Variants in FSTL5 observed in about 807,000 individuals in gnomAD.
FSTL5 encodes follistatin-related protein 5.
In FSTL5, 62 loss-of-function variants were observed where a neutral mutation model predicts 89.1. That is an observed-to-expected ratio of 0.70 (90% CI 0.57 to 0.86). FSTL5 has a LOEUF of 0.86. Among genes scored for constraint, FSTL5 ranks in the 40% least tolerant of loss-of-function variants. FSTL5 has a pLI of 0.00. For missense variants in FSTL5, 1,057 were observed against 1,001.6 expected, an observed-to-expected ratio of 1.06 and a Z score of -0.75; for synonymous variants, 383 against 346.2, an observed-to-expected ratio of 1.11 and a Z score of -1.18.
At chr4:161,443,344 T>C (rs1375790654) in intron 15 of FSTL5, among the ~76,000 whole-genome samples, 4 of 152,030 alleles carry the variant, frequency 2.6e-5, no homozygotes, top group Non-Finnish European at 4.4e-5. Flanking sequence ...TTCCTTAGCA[T>C]ACTAAATTTT....
chr4:161,432,526 A>T (rs545542018), intron 15 of FSTL5, among the ~76,000 whole-genome samples: 2 of 152,208 alleles, frequency 1.3e-5, no homozygotes, highest in Non-Finnish European at 2.9e-5. Context: ...CTAATGATGC[A>T]TCTTAAAGAA....
chr4:161,718,759 C>T (rs1428930580), intron 6 of FSTL5, among the ~76,000 whole-genome samples: 10 of 151,914 alleles, frequency 6.6e-5, no homozygotes, highest in Non-Finnish European at 1.3e-4. Flanking sequence ...AACTATGGAG[C>T]TTCACTAAAG....
chr4:161,707,456 C>T (rs980785349), intron 6 of FSTL5, among the ~76,000 whole-genome samples: 2 of 151,774 alleles, frequency 1.3e-5, no homozygotes, highest in African/African-American at 4.8e-5. Context: ...AATCATGCAT[C>T]ATATATTATG....
At chr4:161,715,906 T>G (rs1046336725) in intron 6 of FSTL5, among the ~76,000 whole-genome samples, 5 of 152,370 alleles carry the variant, frequency 3.3e-5, no homozygotes, top group African/African-American at 9.6e-5. Context: ...AACCAGCATT[T>G]GCTTGGCCAC....
intron 6 of FSTL5, among the ~76,000 whole-genome samples, chr4:161,666,817 G>A (rs1164200325): frequency 1.3e-5 from 2 of 149,304 alleles, no homozygotes; most frequent in Non-Finnish European, 2.9e-5. Flanking sequence ...AAGTAATTAG[G>A]AGAACTTATA....
At chr4:161,593,607 G>C (rs113801673) in intron 7 of FSTL5, among the ~76,000 whole-genome samples, 1 of 151,808 alleles carries the variant, frequency 6.6e-6, no homozygotes, top group Non-Finnish European at 1.5e-5. Flanking sequence ...GGGAGGCAAG[G>C]GGAATCATAC....
intron 1 of FSTL5, among the ~76,000 whole-genome samples, chr4:162,118,024 C>T (rs1731711272): frequency 6.6e-6 from 1 of 152,144 alleles, no homozygotes; most frequent in South Asian, 2.1e-4. Context: ...CAAAACTAGG[C>T]TTTCAATGGG....
chr4:162,117,109 G>C (rs1250452285), intron 1 of FSTL5, among the ~76,000 whole-genome samples: 1 of 152,162 alleles, frequency 6.6e-6, no homozygotes, highest in Non-Finnish European at 1.5e-5. Flanking sequence ...CAGCAGAAAA[G>C]AGCTGTAAAT....
chr4:162,144,576 G>A (rs1012541008), intron 1 of FSTL5, among the ~76,000 whole-genome samples: 2 of 152,080 alleles, frequency 1.3e-5, no homozygotes, highest in Admixed American at 1.3e-4. Flanking sequence ...AGGTCTGCAT[G>A]ATGACACCAA....
At chr4:162,050,702 G>A (rs1363208427) in intron 2 of FSTL5, among the ~76,000 whole-genome samples, 1 of 151,322 alleles carries the variant, frequency 6.6e-6, no homozygotes, top group East Asian at 1.9e-4. Context: ...GACAGAGAGA[G>A]AAACTAGTTC....
chr4:161,492,749 G>A (rs1488305401), intron 12 of FSTL5, among the ~76,000 whole-genome samples: 6 of 151,872 alleles, frequency 4.0e-5, no homozygotes, highest in South Asian at 2.1e-4. Flanking sequence ...CTTAAAATAC[G>A]AATGATAATT....
In FSTL5 at chr4:161,656,417, T is replaced by C. The variant is rs749280770; in HGVS notation, c.805A>G (p.Ser269Gly). The C allele has an allele frequency of 6.2e-7, 1 of 1,611,824 alleles. No homozygotes were observed. Among genetic ancestry groups the C allele is most frequent in the South Asian group, 1.1e-5 (1 of 90,856 alleles). The change falls in exon 7 of 16, where the codon AGC becomes GGC. Residue 269 changes from serine (S) to glycine (G), a missense_variant. Physicochemically the swap from Ser to Gly is moderately conservative, Grantham distance 56. This residue lies in a region of FSTL5 where 980 missense variants were observed against 903.2 expected (regional missense o/e 1.08). Coordinates refer to ENST00000306100, the MANE Select transcript of FSTL5 (RefSeq NM_020116.5). ...AATVGQSAVL[S>G]CAIQGTLRPP... ...CTCAGGGTTCCTTGAATGGCACAGC[T>C]CAGAACAGCACTTTGTCCCACAGTT...
intron 1 of FSTL5, among the ~76,000 whole-genome samples, chr4:162,139,266 TA>T (rs1160320938): frequency 1.3e-5 from 2 of 152,104 alleles, no homozygotes; most frequent in Admixed American, 1.3e-4. Context: ...GAGTCCCCAG[TA>T]TCTATTATCT....
rs1731344218 is a variant in FSTL5, at chr4:161,529,621, T to TATTC, written c.1312+8541_1312+8544dup. 1.4e-5 allele frequency among the ~76,000 whole-genome samples: 2 copies of TATTC among 142,078 alleles called. 1 individual carries two copies. Among genetic ancestry groups the TATTC allele is most frequent in the South Asian group, 4.8e-4 (2 of 4,202 alleles). The allele number at this position is 142,078 out of a possible 152,430, so 93.2% of individuals were successfully genotyped here. Reference sequence around the variant, plus strand: ...TCTGCTTTAAGTTATAATTAGTATATATTCTCTATAGAATTATATTTAATA... The same window carrying TATTC: ...TCTGCTTTAAGTTATAATTAGTATATATTCATTCTCTATAGAATTATATTTAATA... On this transcript the variant is annotated intron_variant, in intron 10 of 15. Transcript: ENST00000306100.
chr4:161,995,533 G>A (rs1160833095), intron 3 of FSTL5, among the ~76,000 whole-genome samples: 1 of 152,034 alleles, frequency 6.6e-6, no homozygotes, highest in Admixed American at 6.6e-5. Context: ...AATTTTGATT[G>A]TTCTTATCAG....
chr4:161,554,758 G>T (rs1248596381), intron 8 of FSTL5, among the ~76,000 whole-genome samples: 1 of 151,638 alleles, frequency 6.6e-6, no homozygotes, highest in African/African-American at 2.4e-5. Flanking sequence ...AAGGTTCTAA[G>T]AAAGCTTGAG....
At chr4:161,417,613 A>G (rs1325583718) in intron 15 of FSTL5, among the ~76,000 whole-genome samples, 2 of 152,238 alleles carry the variant, frequency 1.3e-5, no homozygotes, top group African/African-American at 4.8e-5. Context: ...CCCGGGGGCC[A>G]GGTTACCTGC....
chr4:161,885,299 C>G (rs758352528), intron 4 of FSTL5, among the ~76,000 whole-genome samples: 1 of 152,054 alleles, frequency 6.6e-6, no homozygotes, highest in Non-Finnish European at 1.5e-5. Flanking sequence ...GGAAGATACT[C>G]AGACATTGCT....
At chr4:161,434,253 A>C (rs1331565204) in intron 15 of FSTL5, among the ~76,000 whole-genome samples, 1 of 151,962 alleles carries the variant, frequency 6.6e-6, no homozygotes, top group African/African-American at 2.4e-5. Flanking sequence ...AGTCATACAC[A>C]TATATACAGT....
Sources: allele counts gnomAD v4.1 joint callset (sites outside exome capture counted in the v4.1 genomes callset), GRCh38; gene constraint gnomAD v4.1.1; regional missense constraint gnomAD v4.1.1; transcripts MANE v1.5; gene names NCBI Gene and HGNC (gene_info 2026-07-23, HGNC 2026-07-21).